RGS7: variants seen among roughly 807,000 people sequenced by gnomAD.
RGS7 encodes the protein regulator of G-protein signaling 7.
In RGS7, 27 loss-of-function variants were observed where a neutral mutation model predicts 81.1. That is an observed-to-expected ratio of 0.33 (90% CI 0.25 to 0.46). RGS7 has a LOEUF of 0.46. Ranked by LOEUF, RGS7 falls within the 20% of genes least tolerant of loss-of-function variation. The pLI is 1.00. For synonymous variants in RGS7, 208 were observed against 207.7 expected, an observed-to-expected ratio of 1.00 and a Z score of -0.01; for missense variants, 396 against 607.4, an observed-to-expected ratio of 0.65 and a Z score of 3.66.
At chr1:240,998,124 G>T (rs1281736673) in intron 3 of RGS7, among the ~76,000 whole-genome samples, 1 of 152,156 alleles carries the variant, frequency 6.6e-6, no homozygotes, top group Non-Finnish European at 1.5e-5. Flanking sequence ...GAAAAATTTT[G>T]TGGCACTTTC....
chr1:241,083,160 A>G (rs1246826812), intron 3 of RGS7, among the ~76,000 whole-genome samples: 5 of 147,322 alleles, frequency 3.4e-5, no homozygotes, highest in African/African-American at 1.2e-4. Flanking sequence ...GGGAGGCAAG[A>G]GGTTGTAGTG....
chr1:240,917,495 C>T (rs544750011), intron 6 of RGS7, among the ~76,000 whole-genome samples: 5 of 152,206 alleles, frequency 3.3e-5, no homozygotes, highest in African/African-American at 1.2e-4. Context: ...AGTAGGAATA[C>T]TCTGTTATGG....
chr1:240,976,220 G>A (rs767314848), intron 4 of RGS7, among the ~76,000 whole-genome samples: 1 of 152,218 alleles, frequency 6.6e-6, no homozygotes, highest in African/African-American at 2.4e-5. Flanking sequence ...CCTACTTTGA[G>A]GTCTGATTAG....
At chr1:241,198,685 T>C (rs1159903539) in intron 2 of RGS7, among the ~76,000 whole-genome samples, 2 of 152,198 alleles carry the variant, frequency 1.3e-5, no homozygotes, top group Non-Finnish European at 2.9e-5. Flanking sequence ...AATACATTTA[T>C]AATTTTAAAA....
At chr1:241,066,362 C>T (rs1332848067) in intron 3 of RGS7, among the ~76,000 whole-genome samples, 2 of 152,200 alleles carry the variant, frequency 1.3e-5, no homozygotes, top group African/African-American at 4.8e-5. Context: ...GTGACCCTTC[C>T]AGCTCAGGTT....
chr1:241,177,199 G>A (rs576157596), intron 2 of RGS7, among the ~76,000 whole-genome samples: 1 of 152,202 alleles, frequency 6.6e-6, no homozygotes, highest in Non-Finnish European at 1.5e-5. Flanking sequence ...AAGTAACAGA[G>A]CAGTAGGCTA....
At chr1:241,281,743 CTTACT>C (rs1252265912) in intron 2 of RGS7, among the ~76,000 whole-genome samples, 2 of 152,084 alleles carry the variant, frequency 1.3e-5, no homozygotes, top group Non-Finnish European at 2.9e-5. Flanking sequence ...TTTTCTCTAG[CTTACT>C]TTATCATAAG....
intron 3 of RGS7, among the ~76,000 whole-genome samples, chr1:241,023,894 C>T (rs555239618): frequency 7.9e-4 from 120 of 152,176 alleles, no homozygotes; most frequent in Admixed American, 2.9e-3. Context: ...TACAGGCATG[C>T]GCCACCATGC....
rs114234012 is a variant in RGS7 at position 240,845,399 on chromosome 1, T to C, written c.610-18227A>G. 7.5e-3 allele frequency among the ~76,000 whole-genome samples: 1,136 copies of C among 152,242 alleles called. 13 individuals are homozygous for C. The highest frequency in any genetic ancestry group is 0.025 in the African/African-American group (1,044 of 41,532). The stretch of plus-strand genomic sequence containing the variant: ...AAAACTCAATTAATCATTTCACTAA[T>C]AAGAAATAAAAACTAGTTAACATGC... On this transcript the variant is annotated intron_variant, in intron 9 of 18. Transcript: ENST00000440928.
At chr1:241,317,636 T>C (rs1237645689) in intron 2 of RGS7, among the ~76,000 whole-genome samples, 2 of 152,128 alleles carry the variant, frequency 1.3e-5, no homozygotes, top group Non-Finnish European at 2.9e-5. Flanking sequence ...ATTCCAGTAA[T>C]GAATTTGGGG....
At chr1:241,195,565 G>A (rs1475389030) in intron 2 of RGS7, among the ~76,000 whole-genome samples, 2 of 152,148 alleles carry the variant, frequency 1.3e-5, no homozygotes, top group African/African-American at 4.8e-5. Context: ...CATGAGAAAT[G>A]CAGTTGTTGT....
At chr1:241,225,367 C>A (rs2075257072) in intron 2 of RGS7, among the ~76,000 whole-genome samples, 1 of 152,208 alleles carries the variant, frequency 6.6e-6, no homozygotes, top group Non-Finnish European at 1.5e-5. Flanking sequence ...TATCAACTCT[C>A]TTTAGGTATA....
At chr1:240,944,282 GTATATATATATATATATA>G (rs760788169) in intron 4 of RGS7, among the ~76,000 whole-genome samples, 1,176 of 55,788 alleles carry the variant, frequency 0.021, 58 homozygotes, top group Middle Eastern at 0.056. Context: ...GTGTGTGTGT[GTATATATATATATATATA>G]TATATATATA....
intron 3 of RGS7, among the ~76,000 whole-genome samples, chr1:241,023,591 G>A (rs10802923): frequency 0.48 from 73,132 of 151,622 alleles, 18,469 homozygotes; most frequent in African/African-American, 0.62. Flanking sequence ...TCCAGTTCTT[G>A]AAACTCTAAA....
intron 2 of RGS7, among the ~76,000 whole-genome samples, chr1:241,273,180 C>CG (rs1398720509): frequency 1.7e-5 from 2 of 116,084 alleles, no homozygotes; most frequent in East Asian, 3.7e-4. Context: ...AATGAACCCC[C>CG]CCCCCCAAAG....
At chr1:241,270,205 A>G (rs2077801198) in intron 2 of RGS7, among the ~76,000 whole-genome samples, 1 of 151,986 alleles carries the variant, frequency 6.6e-6, no homozygotes. Context: ...CACTAATCCT[A>G]AGCTTAGAGT....
intron 2 of RGS7, among the ~76,000 whole-genome samples, chr1:241,189,612 AT>A (rs1276406826): frequency 9.2e-5 from 14 of 152,072 alleles, no homozygotes; most frequent in African/African-American, 7.2e-5. Context: ...GATTCTGAAT[AT>A]TTTTTGCTTT....
At chr1:240,784,198 CA>C (rs940673148) in intron 18 of RGS7, among the ~76,000 whole-genome samples, 4 of 116,472 alleles carry the variant, frequency 3.4e-5, no homozygotes, top group African/African-American at 1.3e-4. Flanking sequence ...GAAAAAAAAA[CA>C]AAAAAACAAA....
chr1:241,030,706 A>G (rs1490126151), intron 3 of RGS7, among the ~76,000 whole-genome samples: 1 of 152,048 alleles, frequency 6.6e-6, no homozygotes, highest in Non-Finnish European at 1.5e-5. Flanking sequence ...TACCACTGCA[A>G]TCTGGGAACC....
Sources: allele counts gnomAD v4.1 joint callset (sites outside exome capture counted in the v4.1 genomes callset), GRCh38; gene constraint gnomAD v4.1.1; transcripts MANE v1.5; gene names NCBI Gene and HGNC (gene_info 2026-07-23, HGNC 2026-07-21).